TAFAZZIN: variants seen among roughly 807,000 people sequenced by gnomAD.
The protein encoded by TAFAZZIN is protein G4.5.
Under a neutral mutation model 27.3 loss-of-function variants are expected in TAFAZZIN, and 6 were observed. That is an observed-to-expected ratio of 0.22 (90% CI 0.12 to 0.43). The LOEUF is 0.43. TAFAZZIN is among the 20% of genes least tolerant of loss of function. The pLI, the probability that TAFAZZIN is intolerant of heterozygous loss-of-function variation, is 1.00. For synonymous variants in TAFAZZIN, 79 were observed against 96.2 expected (o/e 0.82, Z 1.04); for missense variants, 127 against 244.5 (o/e 0.52, Z 3.21).
chrX:154,412,006 G>A, intron 1 of TAFAZZIN, 54 bp downstream of exon 1: 1 of 1,203,527 alleles, frequency 8.3e-7, no homozygotes, highest in Non-Finnish European at 1.1e-6. Context: ...CCCGGCCGGA[G>A]GTGGGACTTA....
In TAFAZZIN at chrX:154,421,264, C is replaced by T; in HGVS notation, c.*260C>T. 1 of 467,983 alleles carries T rather than the reference C, an allele frequency of 2.1e-6. No individual in the cohort carries two copies. 38.6% of individuals were successfully genotyped at this position (467,983 alleles called of 1,213,427 possible). A position where few individuals can be genotyped will look rare whatever the true frequency, so the allele number is the denominator to read the frequency against. On this transcript the variant is annotated 3_prime_UTR_variant, in exon 11 of 11. Transcript: ENST00000601016. ...TTTCCTTCTTGCCTTCAGATGTTCT[C>T]TCCCAGGGGCTGGCTTCAGGAGGGA...
chrX:154,419,900 C>A, intron 7 of TAFAZZIN, 132 bp from the exon 8 acceptor site: 1 of 1,086,735 alleles, frequency 9.2e-7, no homozygotes, highest in Non-Finnish European at 1.3e-6. Flanking sequence ...CTAGGCCTGC[C>A]TCTCGCAGGG....
chrX:154,414,203 T>TAGCG lies in TAFAZZIN; in HGVS notation c.460+14_460+17dup, dbSNP rs2068414841. On this transcript the variant is annotated intron_variant, in intron 5 of 10. Coordinates refer to ENST00000601016, the MANE Select transcript of TAFAZZIN (RefSeq NM_000116.5). ...AGAAGAGAGAAAGGTAAGCCAGGCATAGCGGTTCACACTTGTCATCCCAGC... is the reference window on the plus strand; with the variant it reads ...AGAAGAGAGAAAGGTAAGCCAGGCATAGCGAGCGGTTCACACTTGTCATCCCAGC... The TAGCG allele has an allele frequency of 8.4e-7, 1 of 1,194,897 alleles. No homozygotes were observed. Among genetic ancestry groups the TAGCG allele is most frequent in the South Asian group, 1.8e-5 (1 of 55,491 alleles).
At chrX:154,415,254 C>CT (rs112258200) in intron 5 of TAFAZZIN, among the ~76,000 whole-genome samples, 8,020 of 100,902 alleles carry the variant, frequency 0.079, 829 homozygotes, top group African/African-American at 0.27. Flanking sequence ...CCAGCTAATT[C>CT]TTTTTTTTTT....
rs1041261502 is a variant in TAFAZZIN, at chrX:154,419,806, C to A, written c.583+60C>A. 1.1e-5 allele frequency: 13 copies of A among 1,196,760 alleles called. No individual in the cohort carries two copies. In the African/African-American group the frequency reaches 1.4e-4, roughly 13 times the overall value. On this transcript the variant is annotated intron_variant, in intron 7 of 10. Transcript: ENST00000601016. ...CCCGGCCCAGAGATGGCCCTGTGGG[C>A]CCCTGGCTCCCGCCCCCTCGGGCTG...
chrX:154,414,985 G>T (rs1350785823), intron 5 of TAFAZZIN, among the ~76,000 whole-genome samples: 10 of 95,542 alleles, frequency 1.0e-4, no homozygotes, highest in African/African-American at 3.1e-4. Flanking sequence ...GCGAAACTCC[G>T]TCTGGAAAAA....
chrX:154,421,702 G>A lies in TAFAZZIN; in HGVS notation c.*698G>A, dbSNP rs1246530302. The A allele has an allele frequency of 3.0e-6, 1 of 328,370 alleles. No individual in the cohort carries two copies. The highest frequency in any genetic ancestry group is 2.6e-5 in the African/African-American group (1 of 37,808). 27.1% of individuals were successfully genotyped at this position (328,370 alleles called of 1,213,427 possible). ...CATGTTTTTGAAACAGAACCATAAA[G>A]CATATGTGTTGGCTTGTTGTAAAAT... On this transcript the variant is annotated 3_prime_UTR_variant, in exon 11 of 11. Coordinates refer to ENST00000601016, the MANE Select transcript of TAFAZZIN (RefSeq NM_000116.5).
rs2068614222 is a variant in TAFAZZIN at position 154,420,934 on chromosome X, T to C, written c.809T>C (p.Ile270Thr). 3.3e-6 allele frequency: 4 copies of C among 1,209,591 alleles called. No individual in the cohort carries two copies. The highest frequency in any genetic ancestry group is 4.5e-6 in the Non-Finnish European group (4 of 895,007). The change falls in exon 11 of 11, where the codon ATT (isoleucine) becomes ACT (threonine). Residue 270 changes from isoleucine to threonine, a missense_variant. Coordinates refer to ENST00000601016, the MANE Select transcript of TAFAZZIN (RefSeq NM_000116.5). ...ATGCGGAAAGCCCTGACGGACTTCA[T>C]TCAAGAGGAATTCCAGCATCTGAAG... ...VEMRKALTDF[I>T]QEEFQHLKTQ...
rs1274685056 is a variant in TAFAZZIN, at chrX:154,414,311, TTAAAAA to T, written c.460+130_460+135del. 6 of 516,240 alleles carry T rather than the reference TTAAAAA, an allele frequency of 1.2e-5. No individual in the cohort carries two copies. The Admixed American group carries it at 1.7e-4, about 14-fold the overall frequency. 42.5% of individuals were successfully genotyped at this position (516,240 alleles called of 1,213,427 possible). ...GGCAACATAGTAAGACCCTGTCTCT[TTAAAAA>T]TAAAAATATTTTAAACAAAAGAAAG... On this transcript the variant is annotated intron_variant, in intron 5 of 10. Coordinates refer to ENST00000601016, the MANE Select transcript of TAFAZZIN (RefSeq NM_000116.5).
intron 4 of TAFAZZIN, 93 bp from the exon 5 acceptor site, chrX:154,414,008 G>A: frequency 1.7e-6 from 1 of 592,578 alleles, no homozygotes. Flanking sequence ...CTCCAGACAG[G>A]GAGGATCACA....
At chrX:154,415,258 T>A (rs2068451210) in intron 5 of TAFAZZIN, among the ~76,000 whole-genome samples, 3 of 109,638 alleles carry the variant, frequency 2.7e-5, no homozygotes, top group African/African-American at 1.0e-4. Flanking sequence ...CTAATTCTTT[T>A]TTTTTTTTGG....
chrX:154,411,642 G>A lies in TAFAZZIN; in HGVS notation c.-202G>A. ...CTGTGACCCCGGCGACCGCTCCCCA[G>A]TGACGAGAGAGCGGGGCCGGGCGCT... On this transcript the variant is annotated 5_prime_UTR_variant, in exon 1 of 11. In the 5' UTR this introduces an upstream ATG that the reference lacks. Coordinates refer to ENST00000601016, the MANE Select transcript of TAFAZZIN (RefSeq NM_000116.5). 1 of 481,064 alleles carries A rather than the reference G, an allele frequency of 2.1e-6. No homozygotes were observed. The highest frequency in any genetic ancestry group is 3.7e-6 in the Non-Finnish European group (1 of 269,714). The allele number at this position is 481,064 out of a possible 1,213,427, so 39.6% of individuals were successfully genotyped here. A position where few individuals can be genotyped will look rare whatever the true frequency, so the allele number is the denominator to read the frequency against.
In TAFAZZIN at chrX:154,421,107, T is replaced by C. The variant is rs782479080; in HGVS notation, c.*103T>C. 16 of 777,963 alleles carry C rather than the reference T, an allele frequency of 2.1e-5. No individual in the cohort carries two copies. The highest frequency in any genetic ancestry group is 4.1e-5 in the African/African-American group (2 of 48,512). 64.1% of individuals were successfully genotyped at this position (777,963 alleles called of 1,213,427 possible). A position where few individuals can be genotyped will look rare whatever the true frequency, so the allele number is the denominator to read the frequency against. On this transcript the variant is annotated 3_prime_UTR_variant, in exon 11 of 11. Transcript: ENST00000601016. ...CGTGGCTTTTAGACAGATTTGTTCA[T>C]AGACCCTCTCAAGTGCCCTCTCCGA...
In TAFAZZIN at chrX:154,414,180, AAGAG is replaced by A. The variant is rs2068414108; in HGVS notation, c.454_457del (p.Glu152LysfsTer31). ...GGCACATGCCAGGTGCTGGAAAAAG[AAGAG>A]AGAAAGGTAAGCCAGGCATAGCGGT... On this transcript the variant is annotated frameshift_variant, in exon 5 of 11. Transcript: ENST00000601016. LOFTEE classifies it high-confidence loss of function. 8.3e-7 allele frequency: 1 copy of A among 1,206,076 alleles called. No individual in the cohort carries two copies. Among genetic ancestry groups the A allele is most frequent in the South Asian group, 1.8e-5 (1 of 56,399 alleles).
At chrX:154,415,808 G>A (rs782399294) in intron 5 of TAFAZZIN, among the ~76,000 whole-genome samples, 1 of 104,591 alleles carries the variant, frequency 9.6e-6, no homozygotes, top group South Asian at 4.4e-4. Context: ...TTGAACCCAG[G>A]AGGTGGAGGT....
chrX:154,413,526 C>G lies in TAFAZZIN; in HGVS notation c.329C>G (p.Ser110Cys). The change falls in exon 4 of 11, where the codon TCC becomes TGC. Residue 110 changes from serine (S) to cysteine (C), a missense_variant. Coordinates refer to ENST00000601016, the MANE Select transcript of TAFAZZIN (RefSeq NM_000116.5). ...ATCTGCTTCACCAAGGAGCTACACT[C>G]CCACTTCTTCAGCTTGGGCAAGTGT... is the stretch of plus-strand genomic sequence containing the variant. Reference protein sequence around the residue: ...ADICFTKELHSHFFSLGKCVP... With the variant: ...ADICFTKELHCHFFSLGKCVP... 1 of 1,212,372 alleles carries G rather than the reference C, an allele frequency of 8.2e-7. No individual in the cohort carries two copies. Among genetic ancestry groups the G allele is most frequent in the Non-Finnish European group, 1.1e-6 (1 of 895,625 alleles).
At chrX:154,415,472 GTAGA>G (rs200680362) in intron 5 of TAFAZZIN, among the ~76,000 whole-genome samples, 12 of 111,449 alleles carry the variant, frequency 1.1e-4, no homozygotes, top group Non-Finnish European at 1.9e-4. Flanking sequence ...AGGTAGGTAG[GTAGA>G]TAGATAGATA....
chrX:154,415,077 G>A (rs782117899), intron 5 of TAFAZZIN, among the ~76,000 whole-genome samples: 1 of 109,831 alleles, frequency 9.1e-6, no homozygotes, highest in East Asian at 2.9e-4. Flanking sequence ...GCTGAGGTGG[G>A]AGGATCACTT....
At position 154,419,894 on chromosome X, in the gene TAFAZZIN, GC is replaced by G. The variant is rs2068579753; in HGVS notation, c.584-136del. 5.5e-6 allele frequency: 6 copies of G among 1,084,887 alleles called. No homozygotes were observed. The East Asian group carries it at 1.8e-4, about 33-fold the overall frequency. The allele number at this position is 1,084,887 out of a possible 1,213,427, so 89.4% of individuals were successfully genotyped here. The stretch of plus-strand genomic sequence containing the variant: ...GGAAGGGGACAGGTGCTGAGACTAG[GC>G]CTGCCTCTCGCAGGGGCTTGCCCAA... On this transcript the variant is annotated intron_variant, in intron 7 of 10. Coordinates refer to ENST00000601016, the MANE Select transcript of TAFAZZIN (RefSeq NM_000116.5).
Sources: gnomAD v4.1 joint callset for allele counts (sites outside exome capture counted in the v4.1 genomes callset) on GRCh38, gnomAD v4.1.1 for gene constraint, MANE v1.5 for transcripts, NCBI Gene and HGNC (gene_info 2026-07-23, HGNC 2026-07-21) for gene names.